The following IDNK variants were observed in gnomAD, a reference collection of about 807,000 sequenced individuals.
IDNK encodes the protein gluconokinase.
Under a neutral mutation model 13.0 loss-of-function variants are expected in IDNK, and 9 were observed. The ratio of observed to expected loss-of-function variants is 0.69; its 90% CI spans 0.42 to 1.21. The LOEUF (loss-of-function observed/expected upper bound fraction) is 1.21. IDNK is among the 50% of genes most tolerant of loss of function. The pLI is 0.00. For synonymous variants in IDNK, 92 were observed against 94.9 expected, an observed-to-expected ratio of 0.97 and a Z score of 0.18; for missense variants, 210 against 237.8, an observed-to-expected ratio of 0.88 and a Z score of 0.77.
intron 1 of IDNK, chr9:83,626,529 G>A: frequency 2.3e-6 from 1 of 428,594 alleles, no homozygotes; most frequent in Non-Finnish European, 4.7e-6. Flanking sequence ...CGATTGTCAT[G>A]CCTCAGCCTC....
intron 3 of IDNK, among the ~76,000 whole-genome samples, chr9:83,632,407 G>C (rs1182905522): frequency 6.6e-6 from 1 of 152,076 alleles, no homozygotes; most frequent in Non-Finnish European, 1.5e-5. Context: ...ACTGGGCTGG[G>C]AGTCGGGAGT....
At chr9:83,627,368 C>T (rs899347575) in intron 1 of IDNK, among the ~76,000 whole-genome samples, 17 of 152,252 alleles carry the variant, frequency 1.1e-4, no homozygotes, top group African/African-American at 2.9e-4. Context: ...GTGAGCTTAC[C>T]GTTACATCCT....
At chr9:83,629,907 G>GGCCGT (rs1830965369) in intron 3 of IDNK, among the ~76,000 whole-genome samples, 1 of 152,250 alleles carries the variant, frequency 6.6e-6, no homozygotes, top group Non-Finnish European at 1.5e-5. Context: ...CCTGTGTGCA[G>GGCCGT]GCCGTGAGGC....
chr9:83,626,061 T>C (rs1281181757), intron 1 of IDNK, among the ~76,000 whole-genome samples: 1 of 152,226 alleles, frequency 6.6e-6, no homozygotes, highest in East Asian at 1.9e-4. Flanking sequence ...CTCAGACCTT[T>C]TGAATATCTT....
chr9:83,643,414 TC>T lies in IDNK; in HGVS notation c.213-14del. 1 of 1,563,306 alleles carries T rather than the reference TC, an allele frequency of 6.4e-7. No individual in the cohort carries two copies. Among genetic ancestry groups the T allele is most frequent in the African/African-American group, 1.4e-5 (1 of 72,446 alleles). ...TTCTTTAGCCTCCCTCTTTTTTTTT[TC>T]TTTTTCTAAACAGAGATGTAGCCTC... On this transcript the variant is annotated splice_polypyrimidine_tract_variant and intron_variant, in intron 4 of 4. Coordinates refer to ENST00000376419, the MANE Select transcript of IDNK (RefSeq NM_001001551.4).
intron 1 of IDNK, among the ~76,000 whole-genome samples, chr9:83,624,698 C>T (rs1411958553): frequency 8.0e-6 from 1 of 125,640 alleles, no homozygotes; most frequent in Non-Finnish European, 1.6e-5. Flanking sequence ...TGAGGCTTAG[C>T]TTCTTTTGTT....
At chr9:83,635,531 C>T (rs905941524) in intron 3 of IDNK, among the ~76,000 whole-genome samples, 2 of 152,220 alleles carry the variant, frequency 1.3e-5, no homozygotes, top group African/African-American at 2.4e-5. Flanking sequence ...TCTTGCCTAC[C>T]CAGCCTGCCT....
At chr9:83,626,407 TG>T (rs1365590635) in intron 1 of IDNK, 2 of 303,798 alleles carry the variant, frequency 6.6e-6, no homozygotes, top group Non-Finnish European at 1.3e-5. Context: ...TAATCTAACT[TG>T]TTTTTTTGTT....
At chr9:83,631,673 C>T (rs1209417686) in intron 3 of IDNK, among the ~76,000 whole-genome samples, 1 of 151,916 alleles carries the variant, frequency 6.6e-6, no homozygotes, top group African/African-American at 2.4e-5. Flanking sequence ...CTGGGTTATA[C>T]CAGCCACATG....
intron 3 of IDNK, among the ~76,000 whole-genome samples, chr9:83,639,056 T>C (rs1831233460): frequency 1.1e-4 from 17 of 152,196 alleles, no homozygotes; most frequent in Admixed American, 1.0e-3. Context: ...ACAAAGAGTA[T>C]TGCCACAAAT....
chr9:83,626,576 C>G lies in IDNK; in HGVS notation c.51-1605C>G, dbSNP rs186880530. 623 of 557,086 alleles carry G rather than the reference C, an allele frequency of 1.1e-3. 8 individuals are homozygous for G. The East Asian group carries it at 0.035, about 32-fold the overall frequency. The allele number at this position is 557,086 out of a possible 1,614,324, so 34.5% of individuals were successfully genotyped here. On this transcript the variant is annotated intron_variant, in intron 1 of 4. Coordinates refer to ENST00000376419, the MANE Select transcript of IDNK (RefSeq NM_001001551.4). ...GGGTTACAGGCGTGCACCACCACAC[C>G]CAGCTAAGTTTTGTATTTTTAGTTG...
intron 3 of IDNK, among the ~76,000 whole-genome samples, chr9:83,630,335 G>C (rs1830976272): frequency 6.6e-6 from 1 of 152,140 alleles, no homozygotes; most frequent in African/African-American, 2.4e-5. Flanking sequence ...AGTAATAATA[G>C]TATAATAGAG....
chr9:83,625,931 T>G (rs1564143581), intron 1 of IDNK, among the ~76,000 whole-genome samples: 1 of 152,232 alleles, frequency 6.6e-6, no homozygotes, highest in Non-Finnish European at 1.5e-5. Context: ...GATGGATGGA[T>G]GGAAGACGGC....
At chr9:83,633,729 CAA>C (rs1447432440) in intron 3 of IDNK, among the ~76,000 whole-genome samples, 2 of 152,172 alleles carry the variant, frequency 1.3e-5, no homozygotes, top group African/African-American at 4.8e-5. Context: ...TACAAATGAA[CAA>C]AGAGAGGTGC....
intron 3 of IDNK, among the ~76,000 whole-genome samples, chr9:83,631,750 T>C (rs959365847): frequency 3.3e-5 from 5 of 152,196 alleles, no homozygotes; most frequent in Non-Finnish European, 7.3e-5. Flanking sequence ...TAGAACATCA[T>C]TGCAGAAAGC....
intron 1 of IDNK, among the ~76,000 whole-genome samples, chr9:83,624,346 TC>T (rs1564142832): frequency 6.6e-6 from 1 of 152,210 alleles, no homozygotes; most frequent in Non-Finnish European, 1.5e-5. Flanking sequence ...GGAGGCCTAA[TC>T]CCTATGATGT....
chr9:83,640,507 G>A (rs143697864), intron 3 of IDNK, among the ~76,000 whole-genome samples: 1 of 152,162 alleles, frequency 6.6e-6, no homozygotes, highest in Admixed American at 6.5e-5. Flanking sequence ...GTGGGATGTG[G>A]TTGGGGGCAT....
chr9:83,639,404 T>A (rs1831243230), intron 3 of IDNK, among the ~76,000 whole-genome samples: 1 of 152,038 alleles, frequency 6.6e-6, no homozygotes, highest in East Asian at 1.9e-4. Flanking sequence ...AAAAAATAAA[T>A]GCAGGAAATA....
At chr9:83,631,618 AT>A (rs1487867848) in intron 3 of IDNK, among the ~76,000 whole-genome samples, 3 of 151,996 alleles carry the variant, frequency 2.0e-5, no homozygotes, top group African/African-American at 4.8e-5. Context: ...TCTGAAAAAA[AT>A]ATATACAAAT....
Sources: gnomAD v4.1 joint callset for allele counts (sites outside exome capture counted in the v4.1 genomes callset) on GRCh38, gnomAD v4.1.1 for gene constraint, MANE v1.5 for transcripts, NCBI Gene and HGNC (gene_info 2026-07-23, HGNC 2026-07-21) for gene names.